Variants in MDGA2 observed in about 807,000 individuals in gnomAD.
MDGA2 encodes MAM domain containing glycosylphosphatidylinositol anchor 2, also known as MAM domain-containing glycosylphosphatidylinositol anchor protein 2.
A neutral mutation model predicts 117.8 loss-of-function variants in MDGA2; 40 were observed. The ratio of observed to expected loss-of-function variants is 0.34; its 90% confidence interval spans 0.26 to 0.44. MDGA2 has a LOEUF of 0.44. MDGA2 is among the 20% of genes least tolerant of loss of function. MDGA2 has a pLI of 1.00. For missense variants in MDGA2, 1,123 were observed against 1,250.6 expected, an observed-to-expected ratio of 0.90 and a Z score of 1.54; for synonymous variants, 452 against 439.0, an observed-to-expected ratio of 1.03 and a Z score of -0.37.
chr14:47,189,977 T>C (rs1191142858), intron 3 of MDGA2, among the ~76,000 whole-genome samples: 1 of 152,152 alleles, frequency 6.6e-6, no homozygotes, highest in African/African-American at 2.4e-5. Flanking sequence ...CTCCAGAATT[T>C]GTCTGCCAAA....
chr14:47,183,486 C>A (rs190988038), intron 3 of MDGA2, among the ~76,000 whole-genome samples: 4 of 152,190 alleles, frequency 2.6e-5, no homozygotes, highest in African/African-American at 9.6e-5. Context: ...TAAGATGGTT[C>A]ATGATCTGCC....
chr14:47,218,871 T>C (rs536081706), intron 2 of MDGA2, among the ~76,000 whole-genome samples: 27 of 152,214 alleles, frequency 1.8e-4, no homozygotes, highest in African/African-American at 5.3e-4. Flanking sequence ...CCAAAACATT[T>C]TGAATATCTA....
intron 1 of MDGA2, among the ~76,000 whole-genome samples, chr14:47,656,606 G>A (rs573944599): frequency 6.6e-6 from 1 of 152,280 alleles, no homozygotes; most frequent in South Asian, 2.1e-4. Context: ...GCAAAGAGAA[G>A]TGACAGAAAA....
intron 1 of MDGA2, among the ~76,000 whole-genome samples, chr14:47,467,962 C>G (rs1310311736): frequency 6.6e-6 from 1 of 152,048 alleles, no homozygotes; most frequent in Admixed American, 6.6e-5. Flanking sequence ...AAATGGGAAA[C>G]ACTGGGTAAG....
At chr14:47,561,093 G>C (rs1322557741) in intron 1 of MDGA2, among the ~76,000 whole-genome samples, 1 of 147,854 alleles carries the variant, frequency 6.8e-6, no homozygotes, top group Admixed American at 6.8e-5. Flanking sequence ...TGGTTACTTT[G>C]GCCCTATAGT....
In MDGA2 at chr14:47,350,366, A is replaced by C. The variant is rs988197337; in HGVS notation, c.281-48816T>G. On this transcript the variant is annotated intron_variant, in intron 1 of 16. Coordinates refer to ENST00000399232, the MANE Select transcript of MDGA2 (RefSeq NM_001113498.3). Reference sequence around the variant, plus strand: ...CATTTTCAAGGGTGGAGAACTGTCCAGTTAAGCTACAGCATAGACAGGGAT... The same window carrying C: ...CATTTTCAAGGGTGGAGAACTGTCCCGTTAAGCTACAGCATAGACAGGGAT... 2.6e-5 allele frequency among the ~76,000 whole-genome samples: 4 copies of C among 152,224 alleles called. No homozygotes were observed. In the East Asian group the frequency reaches 7.7e-4, roughly 29 times the overall value.
chr14:47,185,852 A>G (rs1884889996), intron 3 of MDGA2, among the ~76,000 whole-genome samples: 1 of 151,568 alleles, frequency 6.6e-6, no homozygotes, highest in Admixed American at 6.6e-5. Context: ...TGAGTACTAT[A>G]TTTAGTCGCA....
chr14:47,340,026 T>C (rs1890574190), intron 1 of MDGA2, among the ~76,000 whole-genome samples: 1 of 152,096 alleles, frequency 6.6e-6, no homozygotes, highest in Admixed American at 6.6e-5. Context: ...GCTCTAAAGA[T>C]AGATATATGA....
chr14:47,344,324 T>C (rs1256606504), intron 1 of MDGA2, among the ~76,000 whole-genome samples: 1 of 152,172 alleles, frequency 6.6e-6, no homozygotes, highest in Non-Finnish European at 1.5e-5. Flanking sequence ...TCCTTTGTAT[T>C]AAAACCTCCC....
At chr14:47,164,235 G>T (rs898268053) in intron 3 of MDGA2, among the ~76,000 whole-genome samples, 14 of 152,088 alleles carry the variant, frequency 9.2e-5, no homozygotes, top group African/African-American at 2.4e-5. Flanking sequence ...TATGTGACAG[G>T]CTATTTCTTA....
chr14:47,200,053 T>C (rs1374341683), intron 3 of MDGA2, among the ~76,000 whole-genome samples: 2 of 151,904 alleles, frequency 1.3e-5, no homozygotes, highest in African/African-American at 4.8e-5. Flanking sequence ...AAAAGAGAGC[T>C]GTTAATAGAG....
intron 1 of MDGA2, among the ~76,000 whole-genome samples, chr14:47,442,989 G>A (rs745943276): frequency 3.3e-5 from 5 of 152,016 alleles, no homozygotes; most frequent in Admixed American, 6.6e-5. Flanking sequence ...CTGAATTGCC[G>A]TTCTTGTGTT....
At chr14:47,352,409 TA>T (rs5808390) in intron 1 of MDGA2, among the ~76,000 whole-genome samples, 152,279 of 152,302 alleles carry the variant, frequency 1, 76,128 homozygotes, top group Non-Finnish European at 1. Flanking sequence ...TACCTAGTTT[TA>T]ACCATCCTGA....
intron 8 of MDGA2, among the ~76,000 whole-genome samples, chr14:47,007,803 C>A (rs769863127): frequency 1.3e-4 from 20 of 151,698 alleles, no homozygotes; most frequent in Non-Finnish European, 2.7e-4. Context: ...ATTGTTTTGC[C>A]TCTCATGTAA....
At chr14:47,111,295 T>C (rs1881023530) in intron 5 of MDGA2, among the ~76,000 whole-genome samples, 1 of 152,156 alleles carries the variant, frequency 6.6e-6, no homozygotes, top group African/African-American at 2.4e-5. Context: ...TAAAAGGCTG[T>C]AGGTAAACTC....
chr14:47,629,440 A>G (rs1289791669), intron 1 of MDGA2, among the ~76,000 whole-genome samples: 1 of 152,232 alleles, frequency 6.6e-6, no homozygotes, highest in Non-Finnish European at 1.5e-5. Context: ...TGCCAAAAAA[A>G]GGAAATAGTG....
intron 1 of MDGA2, among the ~76,000 whole-genome samples, chr14:47,577,072 T>C (rs935847098): frequency 1.3e-5 from 2 of 152,104 alleles, no homozygotes; most frequent in Non-Finnish European, 2.9e-5. Context: ...TAAAGAAAGA[T>C]GGTAAAGTTA....
At chr14:46,941,224 GACAAAGTCATTAGAATGAT>G (rs1399217388) in intron 9 of MDGA2, among the ~76,000 whole-genome samples, 1 of 152,136 alleles carries the variant, frequency 6.6e-6, no homozygotes, top group Non-Finnish European at 1.5e-5. Flanking sequence ...TTTTAAAATA[GACAAAGTCATTAGAATGAT>G]AAGAGAAGGA....
At chr14:46,857,725 C>A (rs1194427795) in intron 14 of MDGA2, among the ~76,000 whole-genome samples, 1 of 151,974 alleles carries the variant, frequency 6.6e-6, no homozygotes, top group Non-Finnish European at 1.5e-5. Flanking sequence ...TGCCATGGCA[C>A]CTCACAGCAG....
Sources: allele counts gnomAD v4.1 joint callset (sites outside exome capture counted in the v4.1 genomes callset), GRCh38; gene constraint gnomAD v4.1.1; transcripts MANE v1.5; gene names NCBI Gene and HGNC (gene_info 2026-07-23, HGNC 2026-07-21).